The following WDR72 variants were observed in gnomAD, a reference collection of about 807,000 sequenced individuals.
The protein encoded by WDR72 is WD repeat domain 72, also known as WD repeat-containing protein 72.
Under a neutral mutation model 124.2 loss-of-function variants are expected in WDR72, and 120 were observed. The observed-to-expected ratio is 0.97, with a 90% confidence interval of 0.83 to 1.12. WDR72 has a LOEUF of 1.12. Among genes scored for constraint, WDR72 ranks in the 50% most tolerant of loss-of-function variants. WDR72 has a pLI of 0.00. For missense variants in WDR72, 1,387 were observed against 1,278.8 expected, an observed-to-expected ratio of 1.08 and a Z score of -1.29; for synonymous variants, 452 against 441.7, an observed-to-expected ratio of 1.02 and a Z score of -0.29.
intron 18 of WDR72, among the ~76,000 whole-genome samples, chr15:53,571,876 C>G (rs540182729): frequency 2.6e-5 from 4 of 151,778 alleles, no homozygotes; most frequent in Non-Finnish European, 4.4e-5. Context: ...ACATCCTTAC[C>G]AACACTTATC....
chr15:53,517,885 A>T lies in WDR72; in HGVS notation c.3254-131T>A, dbSNP rs999486645. The T allele has an allele frequency of 8.3e-6, 7 of 839,538 alleles. No individual in the cohort carries two copies. The African/African-American group carries it at 8.6e-5, about 10-fold the overall frequency. The allele number at this position is 839,538 out of a possible 1,614,324, so 52.0% of individuals were successfully genotyped here. A position where few individuals can be genotyped will look rare whatever the true frequency, so the allele number is the denominator to read the frequency against. The stretch of plus-strand genomic sequence containing the variant: ...GAAAGGAAGAAGGGAGAGAATGAGG[A>T]AAAAAAGAAAGAAAGGAAGAAAGGT... On this transcript the variant is annotated intron_variant, in intron 19 of 19. Transcript: ENST00000360509.
At chr15:53,529,380 G>C (rs1892324972) in intron 18 of WDR72, among the ~76,000 whole-genome samples, 1 of 151,668 alleles carries the variant, frequency 6.6e-6, no homozygotes. Context: ...TAAAATGAGG[G>C]AGTTGAAGTA....
intron 18 of WDR72, among the ~76,000 whole-genome samples, chr15:53,526,665 T>A (rs1399221802): frequency 6.6e-6 from 1 of 152,068 alleles, no homozygotes; most frequent in Non-Finnish European, 1.5e-5. Flanking sequence ...CTTTTATTTA[T>A]CAATACCAAA....
intron 14 of WDR72, among the ~76,000 whole-genome samples, chr15:53,636,775 AATCACACAG>A (rs928513754): frequency 1.9e-4 from 29 of 152,238 alleles, no homozygotes; most frequent in Admixed American, 1.2e-3. Context: ...ACTTGTCCAC[AATCACACAG>A]GTAACGACTG....
chr15:53,726,155 G>T (rs2018018459), intron 2 of WDR72, among the ~76,000 whole-genome samples: 2 of 148,280 alleles, frequency 1.3e-5, no homozygotes, highest in South Asian at 4.2e-4. Context: ...AATGCTTGAT[G>T]ATATGTAAGT....
chr15:53,552,150 G>GTGTA (rs1156767894), intron 18 of WDR72, among the ~76,000 whole-genome samples: 8 of 151,788 alleles, frequency 5.3e-5, no homozygotes, highest in Admixed American at 2.0e-4. Flanking sequence ...GTGTGTGTGT[G>GTGTA]TGTTTATGTA....
At chr15:53,591,964 C>T (rs1324178502) in intron 18 of WDR72, among the ~76,000 whole-genome samples, 2 of 151,988 alleles carry the variant, frequency 1.3e-5, no homozygotes, top group African/African-American at 2.4e-5. Context: ...TTTGTAGAGT[C>T]GATCTTCCAC....
intron 18 of WDR72, among the ~76,000 whole-genome samples, chr15:53,539,118 A>C (rs1443448235): frequency 6.6e-6 from 1 of 152,160 alleles, no homozygotes; most frequent in African/African-American, 2.4e-5. Flanking sequence ...AGAAAGAAAA[A>C]ATTGAACTAA....
intron 13 of WDR72, among the ~76,000 whole-genome samples, chr15:53,669,199 T>C (rs35824728): frequency 0.039 from 5,985 of 152,232 alleles, 148 homozygotes; most frequent in Non-Finnish European, 0.051. Context: ...TTCTTTGGCA[T>C]ACTCTTTGGG....
chr15:53,693,783 T>C (rs1195633979), intron 13 of WDR72, among the ~76,000 whole-genome samples: 1 of 152,210 alleles, frequency 6.6e-6, no homozygotes, highest in East Asian at 1.9e-4. Flanking sequence ...TCTTCTTCCT[T>C]ACTTCCTTAA....
intron 19 of WDR72, among the ~76,000 whole-genome samples, chr15:53,521,613 CAGAT>C (rs370284876): frequency 6.6e-6 from 1 of 151,966 alleles, no homozygotes; most frequent in South Asian, 2.1e-4. Flanking sequence ...GTGTATCAAT[CAGAT>C]AGAGAATGTT....
At chr15:53,548,672 G>A (rs1482595155) in intron 18 of WDR72, among the ~76,000 whole-genome samples, 2 of 151,836 alleles carry the variant, frequency 1.3e-5, no homozygotes, top group East Asian at 3.9e-4. Context: ...GGGGGTTGAG[G>A]TGGGGAACTA....
At chr15:53,656,101 T>C (rs986563254) in intron 14 of WDR72, among the ~76,000 whole-genome samples, 4 of 152,244 alleles carry the variant, frequency 2.6e-5, no homozygotes, top group African/African-American at 4.8e-5. Context: ...GAGTTAAATA[T>C]GTGCATAAGA....
In WDR72 at chr15:53,685,968, T is replaced by G. The variant is rs1292034256; in HGVS notation, c.1765+13782A>C. On this transcript the variant is annotated intron_variant, in intron 13 of 19. Transcript: ENST00000360509. ...TCATATCCAGCCAAACTAAGCTTCA[T>G]AAGTGAAGGAGAAATAAAATACTTT... 3.4e-3 allele frequency among the ~76,000 whole-genome samples: 493 copies of G among 145,092 alleles called. 2 individuals are homozygous for G. Among genetic ancestry groups the G allele is most frequent in the African/African-American group, 0.012 (469 of 38,156 alleles).
intron 3 of WDR72, among the ~76,000 whole-genome samples, chr15:53,719,799 ACT>A (rs1451341505): frequency 6.6e-6 from 1 of 151,774 alleles, no homozygotes; most frequent in African/African-American, 2.4e-5. Context: ...AATTAAACAA[ACT>A]CTGCAGGTGA....
chr15:53,704,546 G>C (rs764962392), intron 11 of WDR72, among the ~76,000 whole-genome samples: 1 of 151,298 alleles, frequency 6.6e-6, no homozygotes, highest in Non-Finnish European at 1.5e-5. Context: ...TTTTGAGATG[G>C]AGTGGAGTCT....
At chr15:53,711,178 G>A in intron 8 of WDR72, 158 bp downstream of exon 8, 1 of 1,072,928 alleles carries the variant, frequency 9.3e-7, no homozygotes, top group Non-Finnish European at 1.4e-6. Flanking sequence ...TTTGTACAAA[G>A]GCTGAAGCCT....
chr15:53,563,083 A>G (rs970325000), intron 18 of WDR72, among the ~76,000 whole-genome samples: 3 of 151,776 alleles, frequency 2.0e-5, no homozygotes, highest in African/African-American at 7.3e-5. Context: ...TAAAATATAC[A>G]CTTGGTTTTT....
intron 18 of WDR72, among the ~76,000 whole-genome samples, chr15:53,557,494 G>A (rs994099788): frequency 3.3e-5 from 5 of 152,088 alleles, no homozygotes; most frequent in African/African-American, 9.7e-5. Flanking sequence ...CTTGGAAGGC[G>A]ATGTTCAGAA....
Sources: allele counts gnomAD v4.1 joint callset (sites outside exome capture counted in the v4.1 genomes callset), GRCh38; gene constraint gnomAD v4.1.1; transcripts MANE v1.5; gene names NCBI Gene and HGNC (gene_info 2026-07-23, HGNC 2026-07-21).